Variants in ZBTB34 observed in about 807,000 individuals in gnomAD.
ZBTB34 encodes the protein zinc finger and BTB domain containing 34.
A neutral mutation model predicts 33.4 loss-of-function variants in ZBTB34; 1 was observed. That is an observed-to-expected ratio of 0.03 (90% CI 0.01 to 0.14). The LOEUF is 0.14. ZBTB34 is among the 10% of genes least tolerant of loss of function. The pLI, the probability that ZBTB34 is intolerant of heterozygous loss-of-function variation, is 1.00. For synonymous variants in ZBTB34, 283 were observed against 253.5 expected (o/e 1.12, Z -1.11); for missense variants, 406 against 657.2 (o/e 0.62, Z 4.18).
At chr9:126,881,521 G>T (rs1413205576) in exon 2 of ZBTB34, 2 of 166,818 alleles carry the variant, frequency 1.2e-5, no homozygotes, top group Non-Finnish European at 2.9e-5. Flanking sequence ...ATATGTTAGG[G>T]TTTTGCCCCT....
At chr9:126,863,371 G>C (rs190038572) in intron 1 of ZBTB34, among the ~76,000 whole-genome samples, 137 of 152,294 alleles carry the variant, frequency 9.0e-4, no homozygotes, top group African/African-American at 3.2e-3. Flanking sequence ...CATTTATCAA[G>C]GTGGAGAAAT....
intron 1 of ZBTB34, among the ~76,000 whole-genome samples, chr9:126,871,542 T>C (rs1286135726): frequency 6.6e-6 from 1 of 151,960 alleles, no homozygotes; most frequent in Non-Finnish European, 1.5e-5. Flanking sequence ...TTTGTATTTT[T>C]AGTAATCTTG....
chr9:126,871,180 G>GGT (rs755628471), intron 1 of ZBTB34, among the ~76,000 whole-genome samples: 1 of 69,076 alleles, frequency 1.4e-5, no homozygotes, highest in Non-Finnish European at 2.8e-5. Flanking sequence ...GTAAGTGAGG[G>GGT]GGGTGTGTGT....
At position 126,880,076 on chromosome 9, in the gene ZBTB34, G is replaced by C; in HGVS notation, c.677G>C (p.Gly226Ala). The C allele has an allele frequency of 6.2e-7, 1 of 1,613,738 alleles. No homozygotes were observed. Among genetic ancestry groups the C allele is most frequent in the Non-Finnish European group, 8.5e-7 (1 of 1,179,890 alleles). ...CAGATAGAGGGAGACCATGAGCAAG[G>C]AGACCTATTGGTGAGGGAGAGCCAG... The change falls in exon 2 of 2, where the codon GGA (glycine) becomes GCA (alanine). Residue 226 changes from glycine (G) to alanine (A), a missense_variant. Gly to Ala is a moderately conservative substitution (Grantham distance 60). Transcript: ENST00000319119. This position sits in a 1 kb window ranked among gnomAD's most constrained non-coding sequence, Gnocchi z 6.7.
exon 2 of ZBTB34, chr9:126,883,916 G>T (rs2033481334): frequency 6.0e-6 from 1 of 167,036 alleles, no homozygotes; most frequent in Admixed American, 6.6e-5. Flanking sequence ...GGATTAACAT[G>T]ACCACAGAAC....
At chr9:126,881,948 G>A (rs900652905) in exon 2 of ZBTB34, 3 of 166,842 alleles carry the variant, frequency 1.8e-5, no homozygotes, top group African/African-American at 7.2e-5. Flanking sequence ...AAGCAGTGTT[G>A]TGGTTTTTTT....
In ZBTB34 at chr9:126,879,118, G is replaced by C. The variant is rs1452836028; in HGVS notation, c.-10-272G>C. Among the ~76,000 whole-genome samples the C allele has an allele frequency of 1.3e-5, 2 of 152,184 alleles. No individual in the cohort carries two copies. Among genetic ancestry groups the C allele is most frequent in the African/African-American group, 4.8e-5 (2 of 41,444 alleles). On this transcript the variant is annotated intron_variant, in intron 1 of 1. Transcript: ENST00000319119. The surrounding 1 kb of genome is among the most constrained non-coding windows in gnomAD (Gnocchi z 6.4). ...TAAAAGGAGACCAATTTCTCAGTCA[G>C]AGCCAAAATAGTCCTACTATGTGTA...
At chr9:126,871,431 C>T (rs1027981133) in intron 1 of ZBTB34, among the ~76,000 whole-genome samples, 5 of 148,138 alleles carry the variant, frequency 3.4e-5, no homozygotes, top group African/African-American at 7.5e-5. Flanking sequence ...GGCGCGATCT[C>T]GGCTCACTGC....
intron 1 of ZBTB34, among the ~76,000 whole-genome samples, chr9:126,865,404 A>G (rs948506341): frequency 1.8e-4 from 28 of 152,382 alleles, no homozygotes; most frequent in African/African-American, 6.7e-4. Flanking sequence ...CTCAGCAGTG[A>G]GGAGTCTCAC....
At position 126,880,382 on chromosome 9, in the gene ZBTB34, G is replaced by A. The variant is rs181461690; in HGVS notation, c.983G>A (p.Arg328Gln). The stretch of plus-strand genomic sequence containing the variant: ...CGAGGAGGGCGTGCCCGCCAGAAGC[G>A]GGCTTTGTCTGTCCACCTGCACAGT... The change falls in exon 2 of 2, where the codon CGG becomes CAG. Residue 328 changes from arginine to glutamine, a missense_variant. Transcript: ENST00000319119. This position sits in a 1 kb window ranked among gnomAD's most constrained non-coding sequence, Gnocchi z 6.7. 25 of 1,613,622 alleles carry A rather than the reference G, an allele frequency of 1.5e-5. No individual in the cohort carries two copies. The Admixed American group carries it at 2.7e-4, about 17-fold the overall frequency.
chr9:126,873,070 C>T (rs1588388332), intron 1 of ZBTB34, among the ~76,000 whole-genome samples: 1 of 152,142 alleles, frequency 6.6e-6, no homozygotes, highest in Non-Finnish European at 1.5e-5. Context: ...GGTTTTTGCC[C>T]TGCAGTCCAC....
rs1367500251 is a variant in ZBTB34 at position 126,870,937 on chromosome 9, AAGC to A, written c.-10-8448_-10-8446del. Among the ~76,000 whole-genome samples the A allele has an allele frequency of 4.6e-5, 7 of 152,180 alleles. No individual in the cohort carries two copies. In the South Asian group the frequency reaches 6.2e-4, roughly 14 times the overall value. ...GTGAGACTCTGTCTCAAAAAAAAAA[AAGC>A]AGCACATCAAAACAATGAGGTACAT... On this transcript the variant is annotated intron_variant, in intron 1 of 1. Coordinates refer to ENST00000319119, the Ensembl canonical transcript of ZBTB34.
intron 1 of ZBTB34, among the ~76,000 whole-genome samples, chr9:126,878,081 A>T (rs925503624): frequency 6.6e-6 from 1 of 151,928 alleles, no homozygotes; most frequent in African/African-American, 2.4e-5. Context: ...CACACTTGCA[A>T]TCCTAGCACT....
At position 126,866,528 on chromosome 9, in the gene ZBTB34, C is replaced by T. The variant is rs1588384590; in HGVS notation, c.-11+5789C>T. Among the ~76,000 whole-genome samples, 6 of 152,114 alleles carry T rather than the reference C, an allele frequency of 3.9e-5. No homozygotes were observed. In the South Asian group the frequency reaches 1.2e-3, roughly 32 times the overall value. On this transcript the variant is annotated intron_variant, in intron 1 of 1. Coordinates refer to ENST00000319119, the Ensembl canonical transcript of ZBTB34. ...CTGTCTGGAGTGTTCTTTTTTTTCC[C>T]TTTGAAATGCAAGGCCTTGTTCAAA...
exon 2 of ZBTB34, chr9:126,881,625 A>G (rs1467000546): frequency 1.2e-5 from 2 of 167,072 alleles, no homozygotes; most frequent in Non-Finnish European, 2.9e-5. Context: ...GCTCTGCTTC[A>G]TAACAAATAC....
At chr9:126,866,863 C>T (rs982095927) in intron 1 of ZBTB34, among the ~76,000 whole-genome samples, 7 of 152,092 alleles carry the variant, frequency 4.6e-5, no homozygotes, top group African/African-American at 1.7e-4. Flanking sequence ...CTCCTTAGTC[C>T]TTCCCCACAG....
chr9:126,861,058 G>T, intron 1 of ZBTB34, among the ~76,000 whole-genome samples: 2 of 152,070 alleles, frequency 1.3e-5, no homozygotes, highest in Non-Finnish European at 2.9e-5. Flanking sequence ...TGGGCTCCCA[G>T]CCTCCGCCCG....
Position 126,879,996 on chromosome 9 carries a change from G to A in ZBTB34, c.597G>A (p.Gln199=), listed in dbSNP as rs774033778. 1 of 1,613,574 alleles carries A rather than the reference G, an allele frequency of 6.2e-7. No individual in the cohort carries two copies. The highest frequency in any genetic ancestry group is 8.5e-7 in the Non-Finnish European group (1 of 1,179,898). The change falls in exon 2 of 2, where the codon CAG becomes CAA. Residue 199 remains glutamine, a synonymous_variant. Transcript: ENST00000319119. The surrounding 1 kb of genome is among the most constrained non-coding windows in gnomAD (Gnocchi z 6.4). ...GCAAAGCTTTGCGCAGCCGCTTACAGGAGGAGGGGCACTCAGACCGCGGGA... is the reference window on the plus strand; with the variant it reads ...GCAAAGCTTTGCGCAGCCGCTTACAAGAGGAGGGGCACTCAGACCGCGGGA...
exon 2 of ZBTB34, chr9:126,885,221 G>A (rs1368768196): frequency 6.0e-6 from 1 of 167,044 alleles, no homozygotes; most frequent in Non-Finnish European, 1.5e-5. Context: ...AAGAGAACCT[G>A]CTTTCTCTGG....
Sources: gnomAD v4.1 joint callset for allele counts (sites outside exome capture counted in the v4.1 genomes callset) on GRCh38, gnomAD v4.1.1 for gene constraint, Gnocchi (gnomAD v3.1) non-coding constraint, MANE v1.5 for transcripts, NCBI Gene and HGNC (gene_info 2026-07-23, HGNC 2026-07-21) for gene names.